Variants in FBXL17 observed in about 807,000 individuals in gnomAD.
The protein encoded by FBXL17 is F-box and leucine rich repeat protein 17, also known as F-box/LRR-repeat protein 17.
FBXL17 carries 22 observed loss-of-function variants against 66.2 expected under a neutral mutation model. The observed-to-expected ratio is 0.33, with a 90% CI of 0.24 to 0.47. FBXL17 has a LOEUF of 0.47. Among genes scored for constraint, FBXL17 ranks in the 20% least tolerant of loss-of-function variants. FBXL17 has a pLI of 1.00. For missense variants in FBXL17, 878 were observed against 948.2 expected (o/e 0.93, Z 0.97); for synonymous variants, 474 against 400.5 (o/e 1.18, Z -2.19).
At chr5:107,864,493 G>A (rs1320210118) in intron 8 of FBXL17, among the ~76,000 whole-genome samples, 1 of 152,136 alleles carries the variant, frequency 6.6e-6, no homozygotes, top group Non-Finnish European at 1.5e-5. Flanking sequence ...GCATGGTTTG[G>A]ATATTTGTCC....
chr5:107,971,250 G>A (rs1254798811), intron 7 of FBXL17, among the ~76,000 whole-genome samples: 1 of 152,116 alleles, frequency 6.6e-6, no homozygotes, highest in African/African-American at 2.4e-5. Flanking sequence ...ACTTCTACCA[G>A]CTATCTCATT....
intron 6 of FBXL17, among the ~76,000 whole-genome samples, chr5:108,115,640 A>T (rs1750220786): frequency 6.6e-6 from 1 of 152,072 alleles, no homozygotes. Flanking sequence ...AAAAAAAAAG[A>T]AGAGTAAAAT....
At chr5:107,870,102 C>T (rs1272522479) in intron 8 of FBXL17, among the ~76,000 whole-genome samples, 1 of 152,088 alleles carries the variant, frequency 6.6e-6, no homozygotes, top group Non-Finnish European at 1.5e-5. Context: ...GGGAGCCAGG[C>T]ATCAATATTT....
intron 7 of FBXL17, among the ~76,000 whole-genome samples, chr5:107,939,328 G>A (rs765506679): frequency 6.6e-6 from 1 of 152,074 alleles, no homozygotes; most frequent in African/African-American, 2.4e-5. Context: ...TCTGAGACTT[G>A]ACAATCCTCG....
intron 4 of FBXL17, among the ~76,000 whole-genome samples, chr5:108,318,644 C>T (rs189523413): frequency 3.9e-5 from 6 of 151,922 alleles, no homozygotes; most frequent in African/African-American, 9.6e-5. Flanking sequence ...TCTGGCACTC[C>T]GTGCAATCAT....
intron 8 of FBXL17, among the ~76,000 whole-genome samples, chr5:107,866,787 T>A (rs1748288843): frequency 6.6e-6 from 1 of 152,194 alleles, no homozygotes; most frequent in African/African-American, 2.4e-5. Flanking sequence ...ATATTTGACA[T>A]CTGAGTATAT....
chr5:108,216,269 G>A (rs1262322891), intron 5 of FBXL17, among the ~76,000 whole-genome samples: 62 of 151,648 alleles, frequency 4.1e-4, no homozygotes, highest in Non-Finnish European at 1.5e-5. Context: ...ACTCTATAAA[G>A]TGCTTTGAGT....
intron 7 of FBXL17, among the ~76,000 whole-genome samples, chr5:107,888,875 T>C (rs1361145983): frequency 6.6e-6 from 1 of 152,204 alleles, no homozygotes; most frequent in Non-Finnish European, 1.5e-5. Context: ...CTGGGTCACA[T>C]GGTAAGTGTT....
At chr5:108,086,342 C>CTCAT (rs1748969426) in intron 6 of FBXL17, among the ~76,000 whole-genome samples, 1 of 152,188 alleles carries the variant, frequency 6.6e-6, no homozygotes, top group African/African-American at 2.4e-5. Context: ...TCCACCTACC[C>CTCAT]TCTCATCTAT....
At chr5:108,277,846 G>A (rs965912291) in intron 4 of FBXL17, among the ~76,000 whole-genome samples, 1 of 152,164 alleles carries the variant, frequency 6.6e-6, no homozygotes, top group East Asian at 1.9e-4. Context: ...ATTCTATTAA[G>A]TGTGAAATAC....
chr5:108,171,624 A>C (rs1006414109), intron 6 of FBXL17, among the ~76,000 whole-genome samples: 8 of 152,226 alleles, frequency 5.3e-5, no homozygotes, highest in South Asian at 4.1e-4. Flanking sequence ...ACCAAAATTT[A>C]GTAGCTTTAA....
At chr5:108,211,253 C>A (rs1182711651) in intron 5 of FBXL17, among the ~76,000 whole-genome samples, 1 of 152,152 alleles carries the variant, frequency 6.6e-6, no homozygotes, top group South Asian at 2.1e-4. Context: ...GAATACAGCA[C>A]ACTGATGGGT....
chr5:107,908,023 C>T (rs1037413928), intron 7 of FBXL17, among the ~76,000 whole-genome samples: 3 of 152,132 alleles, frequency 2.0e-5, no homozygotes, highest in Admixed American at 6.5e-5. Context: ...TTATTCACAA[C>T]AGCAAAGACT....
chr5:108,037,456 T>C (rs539262434), intron 6 of FBXL17, among the ~76,000 whole-genome samples: 1 of 152,290 alleles, frequency 6.6e-6, no homozygotes, highest in South Asian at 2.1e-4. Context: ...GTAAACAATA[T>C]AGTTTAAAGG....
chr5:108,002,719 C>T (rs1331708004), intron 7 of FBXL17, among the ~76,000 whole-genome samples: 1 of 152,172 alleles, frequency 6.6e-6, no homozygotes, highest in Non-Finnish European at 1.5e-5. Flanking sequence ...AATACTAATA[C>T]ATCCCACAAC....
intron 6 of FBXL17, among the ~76,000 whole-genome samples, chr5:108,104,400 T>G (rs1302052987): frequency 6.6e-6 from 1 of 152,224 alleles, no homozygotes; most frequent in African/African-American, 2.4e-5. Flanking sequence ...TTAGAAAGAT[T>G]ACCTATAGTG....
chr5:108,344,922 T>A (rs1293848601), intron 4 of FBXL17, among the ~76,000 whole-genome samples: 1 of 152,234 alleles, frequency 6.6e-6, no homozygotes, highest in Non-Finnish European at 1.5e-5. Context: ...CTCAAATCTA[T>A]GTGTATAGTC....
At chr5:108,326,133 G>C (rs1445872921) in intron 4 of FBXL17, among the ~76,000 whole-genome samples, 6 of 152,094 alleles carry the variant, frequency 3.9e-5, no homozygotes, top group African/African-American at 1.2e-4. Flanking sequence ...TTAATAAATT[G>C]AGCTTCATCA....
In FBXL17 at chr5:107,958,130, G is replaced by A. The variant is rs116388521; in HGVS notation, c.1822+62795C>T. ...GAGTCAACTTTGGTACACAGAAATG[G>A]AGTAGCTTGAAAAAAAAAAAAGAAA... On this transcript the variant is annotated intron_variant, in intron 7 of 8. Coordinates refer to ENST00000542267, the MANE Select transcript of FBXL17 (RefSeq NM_001163315.3). Among the ~76,000 whole-genome samples, 1,444 of 149,382 alleles carry A rather than the reference G, an allele frequency of 9.7e-3. 20 individuals carry two copies. Among genetic ancestry groups the A allele is most frequent in the African/African-American group, 0.034 (1,381 of 40,730 alleles).
Sources: gnomAD v4.1 joint callset for allele counts (sites outside exome capture counted in the v4.1 genomes callset) on GRCh38, gnomAD v4.1.1 for gene constraint, MANE v1.5 for transcripts, NCBI Gene and HGNC (gene_info 2026-07-23, HGNC 2026-07-21) for gene names.